KLF8: variants seen among roughly 807,000 people sequenced by gnomAD.
KLF8 encodes KLF transcription factor 8.
Under a neutral mutation model 18.2 loss-of-function variants are expected in KLF8, and 10 were observed. The observed-to-expected ratio is 0.55, with a 90% CI of 0.34 to 0.93. The LOEUF is 0.93. Among genes scored for constraint, KLF8 ranks in the 40% least tolerant of loss-of-function variants. KLF8 has a pLI of 0.02. For missense variants in KLF8, 264 were observed against 277.9 expected, an observed-to-expected ratio of 0.95 and a Z score of 0.36; for synonymous variants, 109 against 97.3, an observed-to-expected ratio of 1.12 and a Z score of -0.71.
chrX:56,188,217 A>G, the KLF8 span, among the ~76,000 whole-genome samples: 1 of 111,419 alleles, frequency 9.0e-6, no homozygotes, highest in Non-Finnish European at 1.9e-5. Flanking sequence ...ACATTCTTAT[A>G]CACCAATAAC....
chrX:56,073,059 T>C, the KLF8 span, among the ~76,000 whole-genome samples: 12 of 107,737 alleles, frequency 1.1e-4, no homozygotes, highest in Admixed American at 7.0e-4. Flanking sequence ...CGATTTCGGC[T>C]CACTGCAACC....
the KLF8 span, among the ~76,000 whole-genome samples, chrX:56,184,758 C>T: frequency 8.9e-6 from 1 of 112,117 alleles, no homozygotes; most frequent in Non-Finnish European, 1.9e-5. Flanking sequence ...GATACACAGG[C>T]AAACAGGGTC....
At chrX:56,028,593 C>G in the KLF8 span, among the ~76,000 whole-genome samples, 5 of 111,683 alleles carry the variant, frequency 4.5e-5, no homozygotes, top group East Asian at 1.1e-3. Flanking sequence ...CGTCCACGTA[C>G]TGGAGCAAGA....
chrX:55,959,602 T>C, the KLF8 span, among the ~76,000 whole-genome samples: 1 of 112,029 alleles, frequency 8.9e-6, no homozygotes, highest in East Asian at 2.8e-4. Flanking sequence ...AATTTTAGAA[T>C]GCAATTGGAA....
At chrX:56,191,169 T>C in the KLF8 span, among the ~76,000 whole-genome samples, 2 of 111,635 alleles carry the variant, frequency 1.8e-5, no homozygotes, top group Non-Finnish European at 3.8e-5. Flanking sequence ...CATTAGTGGC[T>C]ACTATGGGCA....
At chrX:56,162,920 G>T in the KLF8 span, among the ~76,000 whole-genome samples, 3 of 111,476 alleles carry the variant, frequency 2.7e-5, no homozygotes, top group African/African-American at 9.8e-5. Flanking sequence ...CCACCCCCAC[G>T]ATCTTGTTCT....
At chrX:56,136,155 T>G in the KLF8 span, among the ~76,000 whole-genome samples, 134 of 111,620 alleles carry the variant, frequency 1.2e-3, 1 homozygote, top group African/African-American at 4.3e-3. Flanking sequence ...GAATCAATAT[T>G]GTGAAAATGA....
At chrX:55,998,229 G>A in the KLF8 span, among the ~76,000 whole-genome samples, 2 of 111,138 alleles carry the variant, frequency 1.8e-5, no homozygotes, top group Non-Finnish European at 3.8e-5. Flanking sequence ...CATTGCCCAG[G>A]GACGGGCAGG....
the KLF8 span, among the ~76,000 whole-genome samples, chrX:56,028,927 C>T: frequency 1.8e-5 from 2 of 111,004 alleles, no homozygotes; most frequent in East Asian, 5.7e-4. Flanking sequence ...CTGTACGGGC[C>T]GATAGTCCTT....
At chrX:56,028,629 C>A in the KLF8 span, among the ~76,000 whole-genome samples, 4 of 111,739 alleles carry the variant, frequency 3.6e-5, no homozygotes, top group East Asian at 1.1e-3. Flanking sequence ...TAGCAGGAAA[C>A]TTCTGGATGT....
the KLF8 span, among the ~76,000 whole-genome samples, chrX:56,177,122 C>T: frequency 8.9e-6 from 1 of 111,811 alleles, no homozygotes; most frequent in Non-Finnish European, 1.9e-5. Context: ...ATTCTCCATC[C>T]AGCTTTGTTC....
chrX:55,997,793 C>T, the KLF8 span, among the ~76,000 whole-genome samples: 3 of 111,776 alleles, frequency 2.7e-5, no homozygotes, highest in African/African-American at 9.8e-5. Flanking sequence ...TGCCCCTCCA[C>T]ACCTGTGGGT....
At chrX:56,044,122 C>T in the KLF8 span, among the ~76,000 whole-genome samples, 1 of 111,814 alleles carries the variant, frequency 8.9e-6, no homozygotes, top group Non-Finnish European at 1.9e-5. Flanking sequence ...TCTTCTGTAC[C>T]TGGAGGTATC....
At chrX:55,937,520 C>G in the KLF8 span, among the ~76,000 whole-genome samples, 1 of 112,359 alleles carries the variant, frequency 8.9e-6, no homozygotes, top group Admixed American at 9.4e-5. Flanking sequence ...CAAAGCTGGA[C>G]GGAGAATGAC....
At chrX:56,000,519 A>G in the KLF8 span, among the ~76,000 whole-genome samples, 471 of 100,142 alleles carry the variant, frequency 4.7e-3, 4 homozygotes, top group African/African-American at 0.016. Context: ...ATTCAATCTC[A>G]TTACTTATTA....
chrX:55,947,550 A>G, the KLF8 span, among the ~76,000 whole-genome samples: 2 of 108,995 alleles, frequency 1.8e-5, no homozygotes, highest in African/African-American at 6.7e-5. Context: ...TGACGAGTTA[A>G]TGGGTGCAGC....
the KLF8 span, among the ~76,000 whole-genome samples, chrX:55,994,243 C>T: frequency 1.3e-3 from 112 of 87,257 alleles, no homozygotes; most frequent in African/African-American, 6.3e-3. Flanking sequence ...TTTTTTTTTT[C>T]TTTTGTATTT....
chrX:56,213,608 C>A, the KLF8 span, among the ~76,000 whole-genome samples: 2 of 110,451 alleles, frequency 1.8e-5, no homozygotes, highest in African/African-American at 6.6e-5. Context: ...CAGGCATGAG[C>A]CACCACAACT....
chrX:56,273,891 C>G (rs2067088361), intron 5 of KLF8, among the ~76,000 whole-genome samples: 1 of 112,329 alleles, frequency 8.9e-6, no homozygotes, highest in Admixed American at 9.4e-5. Context: ...CTCTTTTGCC[C>G]ATATGCACCA....
Sources: allele counts gnomAD v4.1 joint callset (sites outside exome capture counted in the v4.1 genomes callset), GRCh38; gene constraint gnomAD v4.1.1; transcripts MANE v1.5; gene names NCBI Gene and HGNC (gene_info 2026-07-23, HGNC 2026-07-21).